TRIP12: variants seen among roughly 807,000 people sequenced by gnomAD.
TRIP12 encodes thyroid hormone receptor interactor 12.
A neutral mutation model predicts 244.2 loss-of-function variants in TRIP12; 25 were observed. The observed-to-expected ratio is 0.10, with a 90% CI of 0.07 to 0.14. The LOEUF is 0.14. Among genes scored for constraint, TRIP12 ranks in the 10% least tolerant of loss-of-function variants. TRIP12 has a pLI of 1.00. For synonymous variants in TRIP12, 905 were observed against 873.1 expected (o/e 1.04, Z -0.64); for missense variants, 1,677 against 2,486.4 (o/e 0.67, Z 6.92).
chr2:229,799,254 C>T (rs765078234), intron 22 of TRIP12, 29 bp downstream of exon 22: 14 of 1,607,134 alleles, frequency 8.7e-6, no homozygotes, highest in Non-Finnish European at 1.2e-5. Flanking sequence ...CTCCCCTTTA[C>T]CTCCCCATAG....
intron 1 of TRIP12, among the ~76,000 whole-genome samples, chr2:229,886,829 C>T (rs764633212): frequency 6.6e-6 from 1 of 152,080 alleles, no homozygotes; most frequent in African/African-American, 2.4e-5. Flanking sequence ...GGAAAAAATA[C>T]AAGATTTAAG....
intron 1 of TRIP12, among the ~76,000 whole-genome samples, chr2:229,910,872 G>A (rs2074133595): frequency 6.6e-6 from 1 of 152,192 alleles, no homozygotes; most frequent in Non-Finnish European, 1.5e-5. Context: ...AATGACAGTT[G>A]AGAAATAATT....
In TRIP12 at chr2:229,766,088, A is replaced by G. The variant is rs946997426; in HGVS notation, c.*1466T>C. 1 of 152,004 alleles carries G rather than the reference A, an allele frequency of 6.6e-6. No individual in the cohort carries two copies. Among genetic ancestry groups the G allele is most frequent in the African/African-American group, 2.4e-5 (1 of 41,308 alleles). The allele number at this position is 152,004 out of a possible 1,614,324, so 9.4% of individuals were successfully genotyped here. Reference sequence around the variant, plus strand: ...TAAAACTTACAGAACAGTCAAAAAAATTGATTTCTCAAAGTTCAATTAAAA... The same window carrying G: ...TAAAACTTACAGAACAGTCAAAAAAGTTGATTTCTCAAAGTTCAATTAAAA... On this transcript the variant is annotated 3_prime_UTR_variant, in exon 42 of 42. Coordinates refer to ENST00000675903, the MANE Select transcript of TRIP12 (RefSeq NM_001348323.3).
chr2:229,908,225 C>G (rs569930265), intron 1 of TRIP12, among the ~76,000 whole-genome samples: 121 of 152,288 alleles, frequency 7.9e-4, no homozygotes, highest in African/African-American at 2.6e-3. Context: ...TCATTTTCCA[C>G]ACCAGTGGAC....
chr2:229,906,760 C>T (rs1417533346), intron 1 of TRIP12, among the ~76,000 whole-genome samples: 3 of 151,210 alleles, frequency 2.0e-5, no homozygotes, highest in Admixed American at 6.6e-5. Context: ...AGAAATTTAT[C>T]CTCTAGCGAT....
At chr2:229,868,291 T>A (rs1352053855) in intron 2 of TRIP12, among the ~76,000 whole-genome samples, 1 of 152,174 alleles carries the variant, frequency 6.6e-6, no homozygotes, top group African/African-American at 2.4e-5. Context: ...AGCCTCAACT[T>A]CCTGAGCTCA....
Position 229,893,089 on chromosome 2 carries a change from A to C in TRIP12, c.-49-12961T>G, listed in dbSNP as rs141373184. 2.0e-5 allele frequency among the ~76,000 whole-genome samples: 3 copies of C among 152,334 alleles called. No homozygotes were observed. In the East Asian group the frequency reaches 5.8e-4, roughly 29 times the overall value. On this transcript the variant is annotated intron_variant, in intron 1 of 41. Transcript: ENST00000675903. Reference sequence around the variant, plus strand: ...GATTATAAAATTTCTCAAAATACAAAAAAGTTGAGAATTGCTCAATACCTG... The same window carrying C: ...GATTATAAAATTTCTCAAAATACAACAAAGTTGAGAATTGCTCAATACCTG...
Position 229,814,224 on chromosome 2 carries a change from A to G in TRIP12, c.1824+9T>C. 6.2e-7 allele frequency: 1 copy of G among 1,613,450 alleles called. No homozygotes were observed. Among genetic ancestry groups the G allele is most frequent in the Non-Finnish European group, 8.5e-7 (1 of 1,179,476 alleles). The stretch of plus-strand genomic sequence containing the variant: ...GTGAAATGTAGTCCCCTTCAGTAAC[A>G]ACACTTACCGCCTGTAGAATGGCTT... On this transcript the variant is annotated intron_variant, in intron 12 of 41. Coordinates refer to ENST00000675903, the MANE Select transcript of TRIP12 (RefSeq NM_001348323.3).
intron 30 of TRIP12, among the ~76,000 whole-genome samples, 160 bp downstream of exon 30, chr2:229,790,964 A>G (rs1253198525): frequency 6.6e-6 from 1 of 152,242 alleles, no homozygotes; most frequent in African/African-American, 2.4e-5. Context: ...TCTAGATATT[A>G]AAGTTGAGGA....
At chr2:229,828,456 T>C (rs1268846925) in intron 8 of TRIP12, among the ~76,000 whole-genome samples, 2 of 152,032 alleles carry the variant, frequency 1.3e-5, no homozygotes, top group East Asian at 3.9e-4. Context: ...GATTGTAATG[T>C]ATAGATCATA....
chr2:229,878,126 A>C (rs535509271), intron 2 of TRIP12, among the ~76,000 whole-genome samples: 219 of 152,302 alleles, frequency 1.4e-3, no homozygotes, highest in African/African-American at 5.1e-3. Flanking sequence ...TCTTAACAAA[A>C]GACACATAGC....
chr2:229,920,639 C>T (rs369034496), intron 1 of TRIP12, among the ~76,000 whole-genome samples: 2 of 152,214 alleles, frequency 1.3e-5, no homozygotes, highest in African/African-American at 4.8e-5. Context: ...TTGGAAGCTG[C>T]CCCTTCCGTT....
intron 39 of TRIP12, among the ~76,000 whole-genome samples, chr2:229,770,934 C>A (rs994957141): frequency 5.3e-5 from 8 of 152,138 alleles, no homozygotes; most frequent in African/African-American, 1.7e-4. Flanking sequence ...GTCTAATAAA[C>A]CTCTTTCTTT....
chr2:229,920,312 CA>C (rs1451042283), intron 1 of TRIP12, among the ~76,000 whole-genome samples: 1 of 152,160 alleles, frequency 6.6e-6, no homozygotes, highest in Non-Finnish European at 1.5e-5. Context: ...AAGTTAAACA[CA>C]TCACTAAAGG....
intron 4 of TRIP12, among the ~76,000 whole-genome samples, chr2:229,856,342 C>G (rs550908263): frequency 3.3e-5 from 5 of 152,306 alleles, no homozygotes; most frequent in African/African-American, 7.2e-5. Context: ...ATGGAATTAT[C>G]TGGATTGGTT....
At position 229,802,397 on chromosome 2, in the gene TRIP12, C is replaced by A; in HGVS notation, c.3061G>T (p.Ala1021Ser). 3.1e-6 allele frequency: 5 copies of A among 1,613,960 alleles called. No individual in the cohort carries two copies. The highest frequency in any genetic ancestry group is 4.2e-6 in the Non-Finnish European group (5 of 1,179,940). The change falls in exon 21 of 42, where the codon GCA becomes TCA. Residue 1021 changes from alanine to serine, a missense_variant. Transcript: ENST00000675903. ...SESLLTSPPK[A>S]CTNGSGSMGS... ...ATGGATCCCGATCCATTCGTACATG[C>A]CTTTGGTGGACTTGTCAACAAAGAC...
At chr2:229,888,085 C>A (rs2066441644) in intron 1 of TRIP12, among the ~76,000 whole-genome samples, 1 of 152,184 alleles carries the variant, frequency 6.6e-6, no homozygotes, top group African/African-American at 2.4e-5. Context: ...CAAACAGTAT[C>A]TTTGCTATTT....
At chr2:229,830,679 A>C (rs2053113974) in intron 7 of TRIP12, 77 bp downstream of exon 7, 1 of 1,422,448 alleles carries the variant, frequency 7.0e-7, no homozygotes, top group African/African-American at 1.4e-5. Context: ...AATTTAACTA[A>C]ATTAATTTCA....
At chr2:229,803,157 C>T (rs778840345) in intron 20 of TRIP12, among the ~76,000 whole-genome samples, 2 of 152,324 alleles carry the variant, frequency 1.3e-5, no homozygotes, top group Middle Eastern at 3.4e-3. Context: ...GAAGAGTCCA[C>T]GGCTTCTATC....
Sources: gnomAD v4.1 joint callset for allele counts (sites outside exome capture counted in the v4.1 genomes callset) on GRCh38, gnomAD v4.1.1 for gene constraint, MANE v1.5 for transcripts, NCBI Gene and HGNC (gene_info 2026-07-23, HGNC 2026-07-21) for gene names.